Variants in ZNF138 observed in about 807,000 individuals in gnomAD.
The protein encoded by ZNF138 is zinc finger protein 138 (clone pHZ-32).
In ZNF138, 33 loss-of-function variants were observed where a neutral mutation model predicts 33.0. The ratio of observed to expected loss-of-function variants is 1.00; its 90% CI spans 0.76 to 1.34. The LOEUF is 1.34. ZNF138 is among the 40% of genes most tolerant of loss of function. The probability of loss-of-function intolerance (pLI) is 0.00; values close to 1 mark genes in which losing one functional copy is unlikely to be tolerated. For synonymous variants in ZNF138, 139 were observed against 120.4 expected, an observed-to-expected ratio of 1.15 and a Z score of -1.01; for missense variants, 360 against 370.8, an observed-to-expected ratio of 0.97 and a Z score of 0.24.
intron 1 of ZNF138, among the ~76,000 whole-genome samples, chr7:64,803,489 C>T (rs1361213554): frequency 6.6e-5 from 10 of 152,024 alleles, no homozygotes; most frequent in Non-Finnish European, 1.0e-4. Flanking sequence ...ATTGCAAAAG[C>T]GAGGTTCAGT....
At chr7:64,827,810 A>C (rs936752692) in intron 3 of ZNF138, among the ~76,000 whole-genome samples, 3 of 151,990 alleles carry the variant, frequency 2.0e-5, no homozygotes, top group African/African-American at 7.3e-5. Flanking sequence ...TTTCTTCTGC[A>C]ATTTTATACC....
At chr7:64,844,363 G>A in the ZNF138 span, among the ~76,000 whole-genome samples, 1 of 151,958 alleles carries the variant, frequency 6.6e-6, no homozygotes. Flanking sequence ...CAGAAGAATA[G>A]AGTCTGGATG....
the ZNF138 span, among the ~76,000 whole-genome samples, chr7:64,854,575 A>C: frequency 6.6e-6 from 1 of 152,222 alleles, no homozygotes; most frequent in Non-Finnish European, 1.5e-5. Context: ...ATGAACATTT[A>C]TGTAGATATT....
intron 3 of ZNF138, among the ~76,000 whole-genome samples, chr7:64,829,370 C>CT (rs1250301282): frequency 6.6e-6 from 1 of 151,288 alleles, no homozygotes; most frequent in Non-Finnish European, 1.5e-5. Context: ...TATTTGGAAA[C>CT]TTAATGTGAG....
intron 1 of ZNF138, among the ~76,000 whole-genome samples, chr7:64,796,114 T>A (rs1398082003): frequency 6.6e-6 from 1 of 152,156 alleles, no homozygotes; most frequent in Non-Finnish European, 1.5e-5. Context: ...CATATGCTGG[T>A]ATTGAGGGGA....
chr7:64,814,441 C>A (rs1788445633), intron 1 of ZNF138, among the ~76,000 whole-genome samples: 1 of 152,064 alleles, frequency 6.6e-6, no homozygotes. Flanking sequence ...TTTCTCAGGG[C>A]AAGAAGTACA....
At chr7:64,852,602 A>G in the ZNF138 span, 1 of 1,522,936 alleles carries the variant, frequency 6.6e-7, no homozygotes, top group South Asian at 1.1e-5. Flanking sequence ...ACAGATCAGA[A>G]GCCCGCCTGT....
At chr7:64,825,154 C>CTTTTTTTTTTTTT (rs71061316) in intron 3 of ZNF138, among the ~76,000 whole-genome samples, 1 of 46,020 alleles carries the variant, frequency 2.2e-5, no homozygotes, top group African/African-American at 9.7e-5. Flanking sequence ...GTTGTATGCT[C>CTTTTTTTTTTTTT]TTTTTTTTTT....
chr7:64,841,942 A>C, the ZNF138 span, among the ~76,000 whole-genome samples: 47,429 of 152,134 alleles, frequency 0.31, 7,928 homozygotes, highest in Non-Finnish European at 0.37. Context: ...AATCTTATTA[A>C]ATTCTTACAC....
At chr7:64,826,365 T>C (rs955781841) in intron 3 of ZNF138, among the ~76,000 whole-genome samples, 3 of 152,240 alleles carry the variant, frequency 2.0e-5, no homozygotes, top group African/African-American at 7.2e-5. Context: ...CCACAACCTC[T>C]GCCTCCCGGG....
Position 64,831,694 on chromosome 7 carries a change from T to A in ZNF138, c.452T>A (p.Phe151Tyr), listed in dbSNP as rs762318799. ...CNKYVKVMHK[F>Y]SNSNRHKIRH... ...AAATATGTAAAAGTCATGCATAAAT[T>A]TTCAAATTCAAATAGACACAAGATA... The change falls in exon 4 of 4, where the codon TTT becomes TAT. Residue 151 changes from phenylalanine to tyrosine, a missense_variant. Physicochemically the swap from Phe to Tyr is conservative, Grantham distance 22. Coordinates refer to ENST00000307355, the MANE Select transcript of ZNF138 (RefSeq NM_001271639.2). 7 of 1,607,310 alleles carry A rather than the reference T, an allele frequency of 4.4e-6. No homozygotes were observed. Among genetic ancestry groups the A allele is most frequent in the Non-Finnish European group, 5.9e-6 (7 of 1,177,848 alleles).
chr7:64,825,444 T>G (rs1789517423), intron 3 of ZNF138, among the ~76,000 whole-genome samples: 1 of 151,860 alleles, frequency 6.6e-6, no homozygotes, highest in Non-Finnish European at 1.5e-5. Flanking sequence ...GTGCTGGGAT[T>G]ACAGGCCTGA....
At chr7:64,851,414 CA>C in the ZNF138 span, among the ~76,000 whole-genome samples, 1 of 152,024 alleles carries the variant, frequency 6.6e-6, no homozygotes, top group Admixed American at 6.6e-5. Flanking sequence ...TAACACAGAT[CA>C]CAAAAAGCGT....
the ZNF138 span, among the ~76,000 whole-genome samples, chr7:64,844,781 G>A: frequency 6.6e-6 from 1 of 152,036 alleles, no homozygotes; most frequent in East Asian, 1.9e-4. Context: ...CTGCCTCCCG[G>A]GTTCAAGTGA....
chr7:64,840,450 G>A, the ZNF138 span, among the ~76,000 whole-genome samples: 1 of 142,896 alleles, frequency 7.0e-6, no homozygotes, highest in Non-Finnish European at 1.5e-5. Context: ...CAATTTTTGT[G>A]TGTACATAGT....
chr7:64,852,869 G>C, the ZNF138 span: 20 of 889,218 alleles, frequency 2.2e-5, no homozygotes, highest in Non-Finnish European at 3.7e-5. Context: ...GTTTAGTACT[G>C]TTTGGCCGCC....
the ZNF138 span, among the ~76,000 whole-genome samples, chr7:64,848,035 T>C: frequency 6.6e-6 from 1 of 152,188 alleles, no homozygotes; most frequent in African/African-American, 2.4e-5. Flanking sequence ...GTAGTTGTTT[T>C]AGTGCTGGCT....
chr7:64,815,553 A>T, intron 2 of ZNF138, 23 bp from the exon 3 acceptor site: 1 of 1,601,698 alleles, frequency 6.2e-7, no homozygotes. Flanking sequence ...TTAATAAAAC[A>T]AGTATTGCTA....
downstream of ZNF138, among the ~76,000 whole-genome samples, chr7:64,834,930 G>A (rs1047560056): frequency 2.6e-5 from 4 of 152,178 alleles, no homozygotes; most frequent in Non-Finnish European, 5.9e-5. Context: ...GATCAATAAG[G>A]CCAAGAGGCG....
Sources: allele counts gnomAD v4.1 joint callset (sites outside exome capture counted in the v4.1 genomes callset), GRCh38; gene constraint gnomAD v4.1.1; transcripts MANE v1.5; gene names NCBI Gene and HGNC (gene_info 2026-07-23, HGNC 2026-07-21).